Variants in ASIC2 observed in about 807,000 individuals in gnomAD.
The protein encoded by ASIC2 is acid-sensing ion channel 2.
ASIC2 carries 25 observed loss-of-function variants against 57.3 expected under a neutral mutation model. The ratio of observed to expected loss-of-function variants is 0.44; its 90% CI spans 0.32 to 0.61. The LOEUF (loss-of-function observed/expected upper bound fraction) is 0.61, where lower values mean the gene tolerates loss of function less well. ASIC2 is among the 20% of genes least tolerant of loss of function. The pLI is 0.06. For missense variants in ASIC2, 641 were observed against 738.1 expected (o/e 0.87, Z 1.52); for synonymous variants, 319 against 307.5 (o/e 1.04, Z -0.39).
intron 1 of ASIC2, among the ~76,000 whole-genome samples, chr17:33,579,683 T>C (rs937355485): frequency 2.0e-5 from 3 of 152,120 alleles, no homozygotes; most frequent in Non-Finnish European, 2.9e-5. Flanking sequence ...ACTTCTAGAG[T>C]GAAGCTACAG....
intron 1 of ASIC2, among the ~76,000 whole-genome samples, chr17:33,826,532 A>G (rs1414845844): frequency 1.3e-5 from 2 of 152,234 alleles, no homozygotes; most frequent in Non-Finnish European, 2.9e-5. Flanking sequence ...AACGTTGGCG[A>G]TCACGTAGCC....
At chr17:33,175,058 T>C (rs1488215521) in intron 1 of ASIC2, among the ~76,000 whole-genome samples, 2 of 152,216 alleles carry the variant, frequency 1.3e-5, no homozygotes, top group African/African-American at 4.8e-5. Flanking sequence ...ATTGAAAAGT[T>C]CTTTCCGACG....
Position 33,789,931 on chromosome 17 carries a change from T to C in ASIC2, c.555+366047A>G, listed in dbSNP as rs143410111. On this transcript the variant is annotated intron_variant, in intron 1 of 9. Transcript: ENST00000359872. ...CATGGAGTTATATGAATAAGTCCTATAGCATCTAGTGCAGAATGACGTGGG... is the reference window on the plus strand; with the variant it reads ...CATGGAGTTATATGAATAAGTCCTACAGCATCTAGTGCAGAATGACGTGGG... Among the ~76,000 whole-genome samples, 780 of 152,296 alleles carry C rather than the reference T, an allele frequency of 5.1e-3. 9 individuals are homozygous for C. The highest frequency in any genetic ancestry group is 0.017 in the African/African-American group (705 of 41,566).
At chr17:33,699,441 T>C (rs1382554679) in intron 1 of ASIC2, among the ~76,000 whole-genome samples, 1 of 152,220 alleles carries the variant, frequency 6.6e-6, no homozygotes, top group Non-Finnish European at 1.5e-5. Context: ...CCAGGACGAC[T>C]TTGGGAATCC....
At chr17:33,625,789 G>GA (rs1567672880) in intron 1 of ASIC2, among the ~76,000 whole-genome samples, 1 of 151,580 alleles carries the variant, frequency 6.6e-6, no homozygotes, top group Non-Finnish European at 1.5e-5. Flanking sequence ...TGGCCAGCTG[G>GA]AGAGAGAGTG....
At chr17:33,420,179 A>G (rs1299715924) in intron 1 of ASIC2, among the ~76,000 whole-genome samples, 2 of 152,216 alleles carry the variant, frequency 1.3e-5, no homozygotes, top group Non-Finnish European at 2.9e-5. Flanking sequence ...TGAGCTTCTC[A>G]TTGCCCCAGA....
At chr17:33,912,937 C>T (rs1915499865) in intron 1 of ASIC2, among the ~76,000 whole-genome samples, 2 of 151,996 alleles carry the variant, frequency 1.3e-5, no homozygotes, top group South Asian at 4.1e-4. Flanking sequence ...CAAGATTTGC[C>T]ATTGCACTCC....
Position 33,407,187 on chromosome 17 carries a change from G to A in ASIC2, c.556-295120C>T, listed in dbSNP as rs191964036. Among the ~76,000 whole-genome samples the A allele has an allele frequency of 1.8e-3, 270 of 152,316 alleles. 3 individuals are homozygous for A. The highest frequency in any genetic ancestry group is 0.017 in the Middle Eastern group (5 of 294). ...TTTATTGGGCATTCGCCAATGTGTT[G>A]GGAATTGAACTAAGAGTTCTCTAAG... On this transcript the variant is annotated intron_variant, in intron 1 of 9. Coordinates refer to the ASIC2 transcript ENST00000359872.
chr17:33,347,169 G>A (rs1423038644), intron 1 of ASIC2, among the ~76,000 whole-genome samples: 1 of 152,152 alleles, frequency 6.6e-6, no homozygotes, highest in African/African-American at 2.4e-5. Flanking sequence ...ACAAGAGGAG[G>A]GGTGGCCTTT....
intron 1 of ASIC2, among the ~76,000 whole-genome samples, chr17:33,979,636 C>T (rs1331578900): frequency 6.6e-6 from 1 of 152,176 alleles, no homozygotes; most frequent in Non-Finnish European, 1.5e-5. Flanking sequence ...TCCCACCCCT[C>T]ATACAAGAAC....
intron 1 of ASIC2, among the ~76,000 whole-genome samples, chr17:33,308,777 C>A (rs1216249389): frequency 6.6e-6 from 1 of 152,124 alleles, no homozygotes; most frequent in Non-Finnish European, 1.5e-5. Context: ...GCCTACATAC[C>A]AACAACATTA....
At chr17:33,584,514 G>GT (rs1904548156) in intron 1 of ASIC2, among the ~76,000 whole-genome samples, 1 of 152,172 alleles carries the variant, frequency 6.6e-6, no homozygotes, top group African/African-American at 2.4e-5. Flanking sequence ...CAGGGTGTCT[G>GT]TTGTGATAGA....
intron 1 of ASIC2, among the ~76,000 whole-genome samples, chr17:33,921,782 C>T (rs1349941129): frequency 6.6e-6 from 1 of 152,164 alleles, no homozygotes; most frequent in African/African-American, 2.4e-5. Flanking sequence ...TGGCATACAT[C>T]TCTGACAAGG....
At chr17:34,114,266 C>T (rs531057363) in intron 1 of ASIC2, among the ~76,000 whole-genome samples, 7 of 152,292 alleles carry the variant, frequency 4.6e-5, no homozygotes, top group Admixed American at 3.9e-4. Flanking sequence ...AATGGTTGCA[C>T]TTTAAGCCAT....
Position 34,140,358 on chromosome 17 carries a change from T to C in ASIC2, c.555+15620A>G, listed in dbSNP as rs149978818. Among the ~76,000 whole-genome samples the C allele has an allele frequency of 2.3e-3, 343 of 152,326 alleles. 1 individual carries two copies. Among genetic ancestry groups the C allele is most frequent in the African/African-American group, 8.0e-3 (331 of 41,582 alleles). On this transcript the variant is annotated intron_variant, in intron 1 of 9. Coordinates refer to the ASIC2 transcript ENST00000359872. ...TAGACTGGAATAAGCGGCATCTGTG[T>C]AAATTCCTGGTTTGAGATGTACGTG...
chr17:33,911,075 C>T lies in ASIC2; in HGVS notation c.555+244903G>A, dbSNP rs139076283. 1.7e-3 allele frequency among the ~76,000 whole-genome samples: 252 copies of T among 152,286 alleles called. 5 individuals carry two copies. Among genetic ancestry groups the T allele is most frequent in the Middle Eastern group, 0.014 (4 of 294 alleles). ...CCATTTAGGCTGGGCCCAGAGCGAG[C>T]GCCTATTGGGAATAAGGTTATTCCC... On this transcript the variant is annotated intron_variant, in intron 1 of 9. Coordinates refer to the ASIC2 transcript ENST00000359872.
chr17:33,911,952 C>G (rs964559898), intron 1 of ASIC2, among the ~76,000 whole-genome samples: 6 of 151,704 alleles, frequency 4.0e-5, no homozygotes, highest in African/African-American at 7.3e-5. Flanking sequence ...ACCAGCCTGA[C>G]CAATGTGAAG....
intron 1 of ASIC2, among the ~76,000 whole-genome samples, chr17:33,604,113 C>T (rs1279709118): frequency 2.6e-5 from 4 of 152,100 alleles, no homozygotes; most frequent in Non-Finnish European, 5.9e-5. Flanking sequence ...GGAGCCTGGC[C>T]CTGGAGGCTG....
At chr17:33,246,524 G>C (rs1365909815) in intron 1 of ASIC2, among the ~76,000 whole-genome samples, 1 of 152,204 alleles carries the variant, frequency 6.6e-6, no homozygotes, top group East Asian at 1.9e-4. Context: ...TAGAAAGAAT[G>C]GGGTCGGGGA....
Sources: gnomAD v4.1 joint callset for allele counts (sites outside exome capture counted in the v4.1 genomes callset) on GRCh38, gnomAD v4.1.1 for gene constraint, MANE v1.5 for transcripts, NCBI Gene and HGNC (gene_info 2026-07-23, HGNC 2026-07-21) for gene names.